The following ANKRD33B variants were observed in gnomAD, a reference collection of about 807,000 sequenced individuals.
ANKRD33B encodes the protein ankyrin repeat domain 33B.
ANKRD33B carries 6 observed loss-of-function variants against 21.5 expected under a neutral mutation model. That is an observed-to-expected ratio of 0.28 (90% CI 0.15 to 0.55). The LOEUF (loss-of-function observed/expected upper bound fraction) is 0.55, where lower values mean the gene tolerates loss of function less well. ANKRD33B is among the 20% of genes least tolerant of loss of function. ANKRD33B has a pLI of 0.94. For missense variants in ANKRD33B, 698 were observed against 747.2 expected, an observed-to-expected ratio of 0.93 and a Z score of 0.77; for synonymous variants, 347 against 342.4, an observed-to-expected ratio of 1.01 and a Z score of -0.15.
Position 10,650,674 on chromosome 5 carries a change from A to AT in ANKRD33B, c.*563dup, listed in dbSNP as rs1223638887. 2 of 152,344 alleles carry AT rather than the reference A, an allele frequency of 1.3e-5. No homozygotes were observed. The highest frequency in any genetic ancestry group is 4.8e-5 in the African/African-American group (2 of 41,452). The allele number at this position is 152,344 out of a possible 1,614,324, so 9.4% of individuals were successfully genotyped here. On this transcript the variant is annotated 3_prime_UTR_variant, in exon 4 of 4. Coordinates refer to ENST00000296657, the MANE Select transcript of ANKRD33B (RefSeq NM_001164440.2). ...CACACTGGATGTTCTTAGTCATTAG[A>AT]TTAAGTGTTGCCGGATATTTCTATT... is the stretch of plus-strand genomic sequence containing the variant.
chr5:10,582,038 C>CT (rs1735454534), intron 1 of ANKRD33B, among the ~76,000 whole-genome samples: 1 of 152,232 alleles, frequency 6.6e-6, no homozygotes, highest in Admixed American at 6.5e-5. Context: ...CCCTGGACCA[C>CT]TTTCCTAAGA....
chr5:10,617,513 G>A (rs554900686), intron 1 of ANKRD33B, among the ~76,000 whole-genome samples: 1 of 152,130 alleles, frequency 6.6e-6, no homozygotes, highest in Admixed American at 6.5e-5. Flanking sequence ...CCCAGCTGCT[G>A]CCCCCACCCT....
chr5:10,624,419 C>T (rs1039192174), intron 2 of ANKRD33B, among the ~76,000 whole-genome samples: 11 of 152,038 alleles, frequency 7.2e-5, no homozygotes, highest in African/African-American at 2.2e-4. Flanking sequence ...CGTGAGCCGC[C>T]GGGCCTGGCC....
chr5:10,628,087 C>T (rs191155955), intron 2 of ANKRD33B: 1 of 152,394 alleles, frequency 6.6e-6, no homozygotes, highest in Admixed American at 6.5e-5. Context: ...CTCTACTGGC[C>T]TGGTCTGGAG....
intron 1 of ANKRD33B, among the ~76,000 whole-genome samples, chr5:10,569,128 C>G (rs1038412351): frequency 6.6e-6 from 1 of 152,202 alleles, no homozygotes; most frequent in East Asian, 1.9e-4. Context: ...GTTATTGCAA[C>G]AGCCCTCCGT....
chr5:10,599,347 GA>G (rs1735882603), intron 1 of ANKRD33B, among the ~76,000 whole-genome samples: 1 of 152,022 alleles, frequency 6.6e-6, no homozygotes, highest in Non-Finnish European at 1.5e-5. Context: ...AAATTGTGGT[GA>G]AATATATATA....
chr5:10,572,022 G>A (rs930422216), intron 1 of ANKRD33B, among the ~76,000 whole-genome samples: 3 of 151,802 alleles, frequency 2.0e-5, no homozygotes, highest in African/African-American at 7.3e-5. Context: ...CCAAGTAGCC[G>A]GGATTACAGG....
intron 1 of ANKRD33B, among the ~76,000 whole-genome samples, chr5:10,595,858 T>C (rs1053270456): frequency 6.6e-6 from 1 of 152,120 alleles, no homozygotes; most frequent in Admixed American, 6.5e-5. Context: ...TTTTTTTGCC[T>C]CCTCTGTGAA....
chr5:10,570,817 C>A (rs931425799), intron 1 of ANKRD33B, among the ~76,000 whole-genome samples: 1 of 152,124 alleles, frequency 6.6e-6, no homozygotes, highest in South Asian at 2.1e-4. Flanking sequence ...CCTCAGCCTC[C>A]CAAGGTGCTG....
chr5:10,619,658 G>T lies in ANKRD33B; in HGVS notation c.496+1196G>T, dbSNP rs77030725. On this transcript the variant is annotated intron_variant, in intron 2 of 3. Transcript: ENST00000296657. This position sits in a 1 kb window ranked among gnomAD's most constrained non-coding sequence, Gnocchi z 4.5. ...ACATGTGTTCACCTCCTCAGGTTTCGAAGCGTGAGGCATCACTTCCATGGA... is the reference window on the plus strand; with the variant it reads ...ACATGTGTTCACCTCCTCAGGTTTCTAAGCGTGAGGCATCACTTCCATGGA... Among the ~76,000 whole-genome samples the T allele has an allele frequency of 6.6e-6, 1 of 152,208 alleles. No individual in the cohort carries two copies.
In ANKRD33B at chr5:10,618,402, G is replaced by A. The variant is rs752336831; in HGVS notation, c.436G>A (p.Val146Ile). The A allele has an allele frequency of 1.7e-5, 26 of 1,537,682 alleles. No homozygotes were observed. The highest frequency in any genetic ancestry group is 1.7e-4 in the Middle Eastern group (1 of 5,972). ...GGTGGCCTTAGCAGAGTGCCCCCAC[G>A]TTGACGTCAACTGGCAGGACAGCGA... ...TVVALAECPHVDVNWQDSEGN... is the reference protein window; with the variant it reads ...TVVALAECPHIDVNWQDSEGN... Residue 146 changes from valine (V) to isoleucine (I), a missense_variant, in exon 2 of 4, where the codon GTT (valine) becomes ATT (isoleucine). This residue lies in a region of ANKRD33B where 543 missense variants were observed against 566.5 expected (regional missense o/e 0.96). Transcript: ENST00000296657.
intron 1 of ANKRD33B, among the ~76,000 whole-genome samples, chr5:10,582,329 C>T (rs1735460061): frequency 6.6e-6 from 1 of 152,156 alleles, no homozygotes; most frequent in South Asian, 2.1e-4. Flanking sequence ...TTCTGGCTGC[C>T]CGTGTTTACA....
At position 10,650,140 on chromosome 5, in the gene ANKRD33B, G is replaced by A. The variant is rs1737309541; in HGVS notation, c.*27G>A. 5.8e-5 allele frequency: 43 copies of A among 744,610 alleles called. No homozygotes were observed. The highest frequency in any genetic ancestry group is 7.0e-5 in the Non-Finnish European group (39 of 556,116). The allele number at this position is 744,610 out of a possible 1,614,324, so 46.1% of individuals were successfully genotyped here. On this transcript the variant is annotated 3_prime_UTR_variant, in exon 4 of 4. Coordinates refer to ENST00000296657, the MANE Select transcript of ANKRD33B (RefSeq NM_001164440.2). Reference sequence around the variant, plus strand: ...GGCCCGTGTGCCTGGCGCTGGGGCCGGGGCTGGGGCCGGGGCGGGGCCGCA... The same window carrying A: ...GGCCCGTGTGCCTGGCGCTGGGGCCAGGGCTGGGGCCGGGGCGGGGCCGCA...
chr5:10,612,969 G>C (rs2126577895), intron 1 of ANKRD33B, among the ~76,000 whole-genome samples: 1 of 152,302 alleles, frequency 6.6e-6, no homozygotes, highest in African/African-American at 2.4e-5. Context: ...TTATAGAAAT[G>C]GAGTTTTAAG....
chr5:10,601,855 C>A (rs1025999195), intron 1 of ANKRD33B, among the ~76,000 whole-genome samples: 1 of 152,246 alleles, frequency 6.6e-6, no homozygotes, highest in African/African-American at 2.4e-5. Context: ...GACCACTCCA[C>A]CCCAGCCTAT....
At chr5:10,591,648 T>G (rs1184301822) in intron 1 of ANKRD33B, among the ~76,000 whole-genome samples, 1 of 152,194 alleles carries the variant, frequency 6.6e-6, no homozygotes, top group Non-Finnish European at 1.5e-5. Context: ...GCATATGGTG[T>G]CTCATTAATA....
At chr5:10,585,234 C>CT (rs1241208149) in intron 1 of ANKRD33B, among the ~76,000 whole-genome samples, 1 of 152,040 alleles carries the variant, frequency 6.6e-6, no homozygotes, top group African/African-American at 2.4e-5. Flanking sequence ...GGCAGATCTT[C>CT]TTAGGCTCTG....
At chr5:10,621,651 G>A (rs1159049744) in intron 2 of ANKRD33B, among the ~76,000 whole-genome samples, 1 of 152,212 alleles carries the variant, frequency 6.6e-6, no homozygotes, top group African/African-American at 2.4e-5. Context: ...CCAGTTCAAA[G>A]GAAATTTGAA....
chr5:10,626,223 T>A (rs1736541854), intron 2 of ANKRD33B, among the ~76,000 whole-genome samples: 2 of 152,190 alleles, frequency 1.3e-5, no homozygotes, highest in Non-Finnish European at 2.9e-5. Context: ...TTGGTGCAGG[T>A]CAGCTTCCTA....
Sources: gnomAD v4.1 joint callset for allele counts (sites outside exome capture counted in the v4.1 genomes callset) on GRCh38, gnomAD v4.1.1 for gene constraint, gnomAD v4.1.1 regional missense constraint, Gnocchi (gnomAD v3.1) non-coding constraint, MANE v1.5 for transcripts, NCBI Gene and HGNC (gene_info 2026-07-23, HGNC 2026-07-21) for gene names.